The following OSBPL10 variants were observed in gnomAD, a reference collection of about 807,000 sequenced individuals.
OSBPL10 encodes the protein oxysterol-binding protein-related protein 10.
OSBPL10 carries 49 observed loss-of-function variants against 81.7 expected under a neutral mutation model. The observed-to-expected ratio is 0.60, with a 90% confidence interval of 0.48 to 0.76. OSBPL10 has a LOEUF of 0.76. OSBPL10 is among the 30% of genes least tolerant of loss of function. The probability of loss-of-function intolerance (pLI) is 0.00; values close to 1 mark genes in which losing one functional copy is unlikely to be tolerated. For missense variants in OSBPL10, 923 were observed against 987.8 expected (o/e 0.93, Z 0.88); for synonymous variants, 419 against 383.6 (o/e 1.09, Z -1.08).
At chr3:31,807,572 C>CA (rs35786919) in intron 4 of OSBPL10, among the ~76,000 whole-genome samples, 11,203 of 108,354 alleles carry the variant, frequency 0.1, 642 homozygotes, top group African/African-American at 0.19. Flanking sequence ...CACATCTCTA[C>CA]AAAAAAAAAA....
intron 3 of OSBPL10, among the ~76,000 whole-genome samples, chr3:31,859,496 C>T (rs1386377452): frequency 6.6e-6 from 1 of 152,214 alleles, no homozygotes; most frequent in Non-Finnish European, 1.5e-5. Flanking sequence ...TCCAGCCATG[C>T]AGGTTGTTCT....
chr3:31,814,278 C>G (rs1453575126), intron 4 of OSBPL10, among the ~76,000 whole-genome samples: 2 of 152,198 alleles, frequency 1.3e-5, no homozygotes, highest in African/African-American at 2.4e-5. Flanking sequence ...ATCATAAACA[C>G]AAAGTCGAAA....
At chr3:31,752,365 A>G (rs11714423) in intron 4 of OSBPL10, among the ~76,000 whole-genome samples, 65,104 of 151,806 alleles carry the variant, frequency 0.43, 14,191 homozygotes, top group East Asian at 0.64. Context: ...TCAAGGCATC[A>G]TGATGTTGTA....
intron 1 of OSBPL10, among the ~76,000 whole-genome samples, chr3:31,955,164 A>C (rs1302331551): frequency 1.3e-5 from 2 of 152,232 alleles, no homozygotes; most frequent in Non-Finnish European, 2.9e-5. Flanking sequence ...CTCAGACAAA[A>C]GAAAAAAGGA....
At chr3:31,862,159 C>T (rs370929941) in intron 3 of OSBPL10, among the ~76,000 whole-genome samples, 1 of 150,124 alleles carries the variant, frequency 6.7e-6, no homozygotes, top group South Asian at 2.1e-4. Flanking sequence ...AATACATACA[C>T]TATGTACCCA....
intron 4 of OSBPL10, among the ~76,000 whole-genome samples, chr3:31,758,846 A>G (rs1289594560): frequency 6.6e-6 from 1 of 152,190 alleles, no homozygotes; most frequent in Non-Finnish European, 1.5e-5. Context: ...CTTGTTCAGT[A>G]TAAATCCTGT....
chr3:31,983,332 A>G (rs1234027254), upstream of OSBPL10, among the ~76,000 whole-genome samples: 1 of 152,198 alleles, frequency 6.6e-6, no homozygotes, highest in African/African-American at 2.4e-5. Flanking sequence ...CTCCTGCTAA[A>G]AGAGGAGAAG....
chr3:31,788,315 A>C (rs1698912058), intron 4 of OSBPL10, among the ~76,000 whole-genome samples: 1 of 152,270 alleles, frequency 6.6e-6, no homozygotes, highest in Non-Finnish European at 1.5e-5. Flanking sequence ...ATTTAATAGA[A>C]GATAACTATT....
intron 1 of OSBPL10, among the ~76,000 whole-genome samples, chr3:31,934,410 C>CT (rs11456297): frequency 0.35 from 50,094 of 141,616 alleles, 11,848 homozygotes; most frequent in African/African-American, 0.65. Context: ...AAAATTCATT[C>CT]TTTTTTTTTT....
chr3:32,041,029 C>T (rs60742008), intron 2 of OSBPL10, among the ~76,000 whole-genome samples: 3,898 of 152,210 alleles, frequency 0.026, 164 homozygotes, highest in African/African-American at 0.089. Context: ...ATGCAACTTG[C>T]TTGAATCAAT....
intron 1 of OSBPL10, among the ~76,000 whole-genome samples, chr3:32,072,024 A>T (rs1369550717): frequency 6.6e-6 from 1 of 151,790 alleles, no homozygotes; most frequent in Non-Finnish European, 1.5e-5. Context: ...TGAGGCTACC[A>T]CTCTGCCCCC....
chr3:31,992,381 C>T (rs1699043496), intron 2 of OSBPL10, among the ~76,000 whole-genome samples: 1 of 152,022 alleles, frequency 6.6e-6, no homozygotes, highest in African/African-American at 2.4e-5. Flanking sequence ...ATTATTTTAC[C>T]GTTCTGGCAG....
intron 5 of OSBPL10, among the ~76,000 whole-genome samples, chr3:31,744,241 A>C (rs748436611): frequency 6.6e-6 from 1 of 152,180 alleles, no homozygotes; most frequent in Non-Finnish European, 1.5e-5. Flanking sequence ...AAACAGTCCA[A>C]AAGAAGGAGA....
At chr3:31,812,767 AAAG>A (rs1699727773) in intron 4 of OSBPL10, among the ~76,000 whole-genome samples, 1 of 49,048 alleles carries the variant, frequency 2.0e-5, no homozygotes, top group African/African-American at 9.5e-5. Flanking sequence ...AGAAAGAAAG[AAAG>A]AAAGAAAGAA....
chr3:31,781,571 A>G (rs558990084), intron 4 of OSBPL10, among the ~76,000 whole-genome samples: 8 of 152,318 alleles, frequency 5.3e-5, no homozygotes, highest in African/African-American at 1.9e-4. Context: ...ACTCATCCAA[A>G]AAGCTCCTAG....
At chr3:32,004,348 T>C (rs1158729679) in intron 2 of OSBPL10, among the ~76,000 whole-genome samples, 1 of 152,148 alleles carries the variant, frequency 6.6e-6, no homozygotes, top group Admixed American at 6.5e-5. Flanking sequence ...GATTATGCTG[T>C]GATAGGCAAG....
Position 32,039,133 on chromosome 3 carries a change from G to A in OSBPL10, n.298+7358C>T, listed in dbSNP as rs572489970. Reference sequence around the variant, plus strand: ...GAGGTCAGGAGTTCAAGACCAGCCTGGCCAATATGGTGAAACCCTGTCTCT... The same window carrying A: ...GAGGTCAGGAGTTCAAGACCAGCCTAGCCAATATGGTGAAACCCTGTCTCT... On this transcript the variant is annotated intron_variant and non_coding_transcript_variant, in intron 2 of 3. Coordinates refer to the OSBPL10 transcript ENST00000479173. Among the ~76,000 whole-genome samples, 18 of 151,952 alleles carry A rather than the reference G, an allele frequency of 1.2e-4. No homozygotes were observed. In the South Asian group the frequency reaches 3.3e-3, roughly 28 times the overall value.
chr3:31,813,382 C>T (rs75542001), intron 4 of OSBPL10, among the ~76,000 whole-genome samples: 1,627 of 152,280 alleles, frequency 0.011, 35 homozygotes, highest in African/African-American at 0.037. Context: ...TGGCTCTCCA[C>T]CCAGAATTGA....
intron 2 of OSBPL10, among the ~76,000 whole-genome samples, chr3:32,006,648 A>G (rs929528043): frequency 3.3e-5 from 5 of 152,160 alleles, no homozygotes; most frequent in African/African-American, 1.2e-4. Flanking sequence ...GTAAGGACCT[A>G]ATTTTACTTT....
Sources: gnomAD v4.1 joint callset for allele counts (sites outside exome capture counted in the v4.1 genomes callset) on GRCh38, gnomAD v4.1.1 for gene constraint, MANE v1.5 for transcripts, NCBI Gene and HGNC (gene_info 2026-07-23, HGNC 2026-07-21) for gene names.